Variants in CDADC1 observed in about 807,000 individuals in gnomAD.
The protein encoded by CDADC1 is cytidine and dCMP deaminase domain containing 1.
Under a neutral mutation model 54.9 loss-of-function variants are expected in CDADC1, and 39 were observed. The observed-to-expected ratio is 0.71, with a 90% CI of 0.55 to 0.93. The LOEUF is 0.93. CDADC1 is among the 40% of genes least tolerant of loss of function. CDADC1 has a pLI of 0.00. For missense variants in CDADC1, 518 were observed against 618.8 expected (o/e 0.84, Z 1.73); for synonymous variants, 186 against 204.0 (o/e 0.91, Z 0.75).
intron 2 of CDADC1, among the ~76,000 whole-genome samples, chr13:49,251,949 T>C (rs1206503264): frequency 6.6e-6 from 1 of 152,204 alleles, no homozygotes; most frequent in Admixed American, 6.5e-5. Flanking sequence ...AAATAAGTCT[T>C]TTGTTTCAGA....
At chr13:49,261,686 TG>T (rs909706088) in intron 4 of CDADC1, among the ~76,000 whole-genome samples, 1 of 152,194 alleles carries the variant, frequency 6.6e-6, no homozygotes, top group Non-Finnish European at 1.5e-5. Context: ...AAACATTTGT[TG>T]GCTGATCTGT....
At chr13:49,259,930 A>G (rs1952635552) in intron 4 of CDADC1, among the ~76,000 whole-genome samples, 1 of 151,998 alleles carries the variant, frequency 6.6e-6, no homozygotes, top group South Asian at 2.1e-4. Flanking sequence ...GAGATAATTT[A>G]GAAATATATA....
intron 4 of CDADC1, among the ~76,000 whole-genome samples, chr13:49,264,800 T>A (rs1952777820): frequency 6.6e-6 from 1 of 152,094 alleles, no homozygotes; most frequent in Admixed American, 6.5e-5. Flanking sequence ...TAAACTACTA[T>A]CAAGTCTTTA....
At chr13:49,253,373 A>G (rs1166875096) in intron 2 of CDADC1, among the ~76,000 whole-genome samples, 1 of 152,126 alleles carries the variant, frequency 6.6e-6, no homozygotes, top group Non-Finnish European at 1.5e-5. Context: ...TCTGGATCCT[A>G]CCCTTTTCAC....
chr13:49,284,990 A>G (rs1416662053), intron 8 of CDADC1, among the ~76,000 whole-genome samples: 1 of 152,144 alleles, frequency 6.6e-6, no homozygotes, highest in Non-Finnish European at 1.5e-5. Context: ...CCAATATTCT[A>G]TGTAATATCT....
chr13:49,275,710 TATATATATATATATATAGAGAGAG>T (rs1953092066), intron 6 of CDADC1, among the ~76,000 whole-genome samples: 3 of 97,302 alleles, frequency 3.1e-5, no homozygotes, highest in African/African-American at 8.5e-5. Context: ...TATATATATA[TATATATATATATATATAGAGAGAG>T]AGAGAGAGAG....
At chr13:49,252,120 T>A (rs1357319282) in intron 2 of CDADC1, among the ~76,000 whole-genome samples, 1 of 152,242 alleles carries the variant, frequency 6.6e-6, no homozygotes, top group Non-Finnish European at 1.5e-5. Context: ...AGGATTGACT[T>A]GGCTATATGA....
In CDADC1 at chr13:49,278,288, A is replaced by G; in HGVS notation, c.1051-62A>G. The G allele has an allele frequency of 3.2e-6, 4 of 1,261,786 alleles. No individual in the cohort carries two copies. The South Asian group carries it at 7.8e-5, about 24-fold the overall frequency. The allele number at this position is 1,261,786 out of a possible 1,614,324, so 78.2% of individuals were successfully genotyped here. A position where few individuals can be genotyped will look rare whatever the true frequency, so the allele number is the denominator to read the frequency against. On this transcript the variant is annotated intron_variant, in intron 6 of 9. Transcript: ENST00000251108. ...CAAAGTATGATAGCAAGCTTCAAAAATACATTGCAAAGTGTCTTTTCAGAA... is the reference window on the plus strand; with the variant it reads ...CAAAGTATGATAGCAAGCTTCAAAAGTACATTGCAAAGTGTCTTTTCAGAA...
chr13:49,274,367 A>T, intron 6 of CDADC1, 27 bp downstream of exon 6: 1 of 1,582,872 alleles, frequency 6.3e-7, no homozygotes, highest in Non-Finnish European at 8.7e-7. Flanking sequence ...TTCTTTAAAT[A>T]TTTAACCTGG....
chr13:49,271,152 G>A (rs539108740), intron 5 of CDADC1, among the ~76,000 whole-genome samples: 2 of 152,100 alleles, frequency 1.3e-5, no homozygotes, highest in Admixed American at 6.5e-5. Context: ...GGTGGCTCCC[G>A]CCTGTAATAC....
In CDADC1 at chr13:49,291,751, C is replaced by A. The variant is rs767556938; in HGVS notation, c.1539C>A (p.Ile513=). The stretch of plus-strand genomic sequence containing the variant: ...AGGACAAGAAGCTGCGCCTCGGAAT[C>A]CACTAAGAAGGCCTGTCTACACTGC... ...QHQDKKLRLG[I]H Residue 513 remains isoleucine, a synonymous_variant, in exon 10 of 10, where the codon ATC becomes ATA. Transcript: ENST00000251108. 28 of 1,613,884 alleles carry A rather than the reference C, an allele frequency of 1.7e-5. No homozygotes were observed. The highest frequency in any genetic ancestry group is 2.2e-5 in the Non-Finnish European group (26 of 1,179,952).
intron 5 of CDADC1, among the ~76,000 whole-genome samples, chr13:49,270,027 A>G (rs2051709106): frequency 6.9e-6 from 1 of 144,188 alleles, no homozygotes; most frequent in African/African-American, 2.5e-5. Context: ...ATAGGGTGCA[A>G]CTCCTCTGTC....
intron 2 of CDADC1, among the ~76,000 whole-genome samples, chr13:49,250,246 C>A (rs142573457): frequency 5.3e-5 from 8 of 152,184 alleles, no homozygotes; most frequent in African/African-American, 1.7e-4. Flanking sequence ...TCCTTAAATT[C>A]CCACAGTACT....
At position 49,268,023 on chromosome 13, in the gene CDADC1, TGCATGGTTCAGGCCA is replaced by T. The variant is rs1332838902; in HGVS notation, c.966_980del (p.Cys322_Arg327delinsTrp). The stretch of plus-strand genomic sequence containing the variant: ...TTTGCCACAGGAAATTGCAAGGCAC[TGCATGGTTCAGGCCA>T]GGTTATTGGCATATCGAACTGGTGA... On this transcript the variant is annotated inframe_deletion, in exon 5 of 10. Transcript: ENST00000251108. 7 of 1,613,460 alleles carry T rather than the reference TGCATGGTTCAGGCCA, an allele frequency of 4.3e-6. No individual in the cohort carries two copies. Among genetic ancestry groups the T allele is most frequent in the Non-Finnish European group, 4.2e-6 (5 of 1,180,024 alleles).
chr13:49,263,982 C>T (rs1427737960), intron 4 of CDADC1, among the ~76,000 whole-genome samples: 3 of 152,210 alleles, frequency 2.0e-5, no homozygotes, highest in Admixed American at 2.0e-4. Context: ...ATGTTTACCA[C>T]ATTAAAATAC....
chr13:49,267,509 A>C lies in CDADC1; in HGVS notation c.450A>C (p.Ser150=), dbSNP rs139903827. Residue 150 remains serine (S), a synonymous_variant, in exon 5 of 10, where the codon TCA becomes TCC. Transcript: ENST00000251108. ...TTTCAGCTGGAGTTAACCGAATTTC[A>C]TACTGGCCTGCTGATCCAGAAATAA... is the stretch of plus-strand genomic sequence containing the variant. ...MIVNAGVNRI[S]YWPADPEISL... The C allele has an allele frequency of 2.4e-5, 39 of 1,611,960 alleles. No homozygotes were observed. The highest frequency in any genetic ancestry group is 3.1e-5 in the Non-Finnish European group (37 of 1,178,918).
At chr13:49,282,236 GTTTTTTT>G (rs759792512) in intron 8 of CDADC1, among the ~76,000 whole-genome samples, 5 of 94,146 alleles carry the variant, frequency 5.3e-5, no homozygotes, top group Admixed American at 1.2e-4. Flanking sequence ...GTTTTTGTGG[GTTTTTTT>G]TTTTTTTTTT....
At chr13:49,281,221 C>T (rs1953324100) in intron 8 of CDADC1, among the ~76,000 whole-genome samples, 1 of 152,134 alleles carries the variant, frequency 6.6e-6, no homozygotes. Context: ...GGATTCCTGC[C>T]TTATGAATTT....
In CDADC1 at chr13:49,265,447, G is replaced by A. The variant is rs541547659; in HGVS notation, c.431-2043G>A. On this transcript the variant is annotated intron_variant, in intron 4 of 9. Coordinates refer to ENST00000251108, the MANE Select transcript of CDADC1 (RefSeq NM_030911.4). The stretch of plus-strand genomic sequence containing the variant: ...AGAATTTAAATTTAAATGTCTATAC[G>A]AATTCTGCTGCTCAGTTTTGTCCTT... 2.6e-5 allele frequency among the ~76,000 whole-genome samples: 4 copies of A among 152,166 alleles called. No individual in the cohort carries two copies. In the East Asian group the frequency reaches 7.7e-4, roughly 29 times the overall value.
Sources: allele counts gnomAD v4.1 joint callset (sites outside exome capture counted in the v4.1 genomes callset), GRCh38; gene constraint gnomAD v4.1.1; transcripts MANE v1.5; gene names NCBI Gene and HGNC (gene_info 2026-07-23, HGNC 2026-07-21).